Variants in PARD3B observed in about 807,000 individuals in gnomAD.
The protein encoded by PARD3B is par-3 family cell polarity regulator beta, also known as partitioning defective 3 homolog B.
In PARD3B, 103 loss-of-function variants were observed where a neutral mutation model predicts 130.2. The observed-to-expected ratio is 0.79, with a 90% CI of 0.67 to 0.93. PARD3B has a LOEUF of 0.93. PARD3B is among the 40% of genes least tolerant of loss of function. The probability of loss-of-function intolerance (pLI) is 0.00; values close to 1 mark genes in which losing one functional copy is unlikely to be tolerated. For missense variants in PARD3B, 1,609 were observed against 1,499.2 expected, an observed-to-expected ratio of 1.07 and a Z score of -1.21; for synonymous variants, 583 against 553.2, an observed-to-expected ratio of 1.05 and a Z score of -0.76.
In PARD3B at chr2:205,225,740, A is replaced by T. The variant is rs2038509703; in HGVS notation, c.2141-20038A>T. On this transcript the variant is annotated intron_variant, in intron 15 of 22. Transcript: ENST00000406610. ...AAGAGAGAAAAGGGGAAAGTGCCGC[A>T]CACTTTTAAACAATCAGATCTCATG... is the stretch of plus-strand genomic sequence containing the variant. Among the ~76,000 whole-genome samples, 5 of 152,170 alleles carry T rather than the reference A, an allele frequency of 3.3e-5. 1 individual carries two copies. Among genetic ancestry groups the T allele is most frequent in the Admixed American group, 3.3e-4 (5 of 15,278 alleles).
intron 1 of PARD3B, among the ~76,000 whole-genome samples, chr2:204,572,975 G>A (rs971295613): frequency 3.0e-4 from 45 of 152,196 alleles, no homozygotes; most frequent in African/African-American, 1.0e-3. Context: ...TGGAAGAGAT[G>A]AAACTTGACT....
At chr2:205,031,940 C>A (rs1258619816) in intron 3 of PARD3B, among the ~76,000 whole-genome samples, 1 of 152,136 alleles carries the variant, frequency 6.6e-6, no homozygotes, top group Non-Finnish European at 1.5e-5. Flanking sequence ...CATTCCTGTG[C>A]CTCTCAAAAA....
Position 205,183,773 on chromosome 2 carries a change from T to TGA in PARD3B, c.1925-1990_1925-1989dup, listed in dbSNP as rs974665806. Among the ~76,000 whole-genome samples, 2 of 147,126 alleles carry TGA rather than the reference T, an allele frequency of 1.4e-5. No individual in the cohort carries two copies. The highest frequency in any genetic ancestry group is 2.5e-5 in the African/African-American group (1 of 39,484). ...GTGTGTGTGTGTGTGTGTGTGTGTGTGAACAGATTTATGATAAGGAATTGG... is the reference window on the plus strand; with the variant it reads ...GTGTGTGTGTGTGTGTGTGTGTGTGTGAGAACAGATTTATGATAAGGAATTGG... On this transcript the variant is annotated intron_variant, in intron 13 of 22. Coordinates refer to ENST00000406610, the MANE Select transcript of PARD3B (RefSeq NM_001302769.2). The surrounding 1 kb of genome is among the most constrained non-coding windows in gnomAD (Gnocchi z 5.2).
At chr2:205,024,162 C>G (rs200166277) in intron 3 of PARD3B, among the ~76,000 whole-genome samples, 1 of 98,744 alleles carries the variant, frequency 1.0e-5, no homozygotes, top group Non-Finnish European at 2.0e-5. Context: ...TTCTTTCTTT[C>G]TTTTTTTTTT....
At chr2:205,485,348 G>C (rs1245566088) in intron 20 of PARD3B, among the ~76,000 whole-genome samples, 2 of 152,172 alleles carry the variant, frequency 1.3e-5, no homozygotes, top group Non-Finnish European at 2.9e-5. Context: ...CAAACTGAAA[G>C]AAAGTTTCAA....
In PARD3B at chr2:204,747,161, G is replaced by A. The variant is rs544043145; in HGVS notation, c.222+60879G>A. On this transcript the variant is annotated intron_variant, in intron 2 of 22. Transcript: ENST00000406610. ...TCTTTAATTGATTTTTGTATAAAGT[G>A]TAAGGAAGGGATCCAGTTTCAGCTT... 2.6e-5 allele frequency among the ~76,000 whole-genome samples: 4 copies of A among 152,224 alleles called. No individual in the cohort carries two copies. The East Asian group carries it at 7.7e-4, about 29-fold the overall frequency.
chr2:204,935,239 C>CA lies in PARD3B; in HGVS notation c.223-29907dup, dbSNP rs1371147432. ...GTCTTCTGAGAATGTGTTAAGAATG[C>CA]AAAAAATAGGCTGTGCGCAGTGGCT... On this transcript the variant is annotated intron_variant, in intron 2 of 22. Coordinates refer to ENST00000406610, the MANE Select transcript of PARD3B (RefSeq NM_001302769.2). Among the ~76,000 whole-genome samples, 7 of 149,226 alleles carry CA rather than the reference C, an allele frequency of 4.7e-5. No homozygotes were observed. In the East Asian group the frequency reaches 1.2e-3, roughly 25 times the overall value.
intron 2 of PARD3B, among the ~76,000 whole-genome samples, chr2:204,698,295 C>T (rs1045646456): frequency 3.9e-5 from 6 of 152,000 alleles, no homozygotes; most frequent in African/African-American, 9.7e-5. Context: ...CAGTTCTATA[C>T]GTCATTAATT....
intron 18 of PARD3B, among the ~76,000 whole-genome samples, chr2:205,385,824 G>C (rs80306546): frequency 3.9e-4 from 59 of 152,058 alleles, no homozygotes; most frequent in African/African-American, 1.4e-3. Flanking sequence ...TAAATATATA[G>C]GTATTTCAGT....
chr2:205,299,864 AGTT>A (rs2041933288), intron 16 of PARD3B, among the ~76,000 whole-genome samples: 1 of 152,244 alleles, frequency 6.6e-6, no homozygotes. Flanking sequence ...GACACAGAAA[AGTT>A]GTTTTCTTTC....
Position 205,280,091 on chromosome 2 carries a change from T to A in PARD3B, c.2186-20439T>A, listed in dbSNP as rs2041129385. Among the ~76,000 whole-genome samples the A allele has an allele frequency of 6.6e-6, 1 of 152,178 alleles. No individual in the cohort carries two copies. Among genetic ancestry groups the A allele is most frequent in the African/African-American group, 2.4e-5 (1 of 41,438 alleles). The stretch of plus-strand genomic sequence containing the variant: ...TAAAAGAGTCTCTTTGTGTTAGGAT[T>A]TCTTCTGTCTAAAGGTAGGAATAGC... On this transcript the variant is annotated intron_variant, in intron 16 of 22. Coordinates refer to ENST00000406610, the MANE Select transcript of PARD3B (RefSeq NM_001302769.2). The surrounding 1 kb of genome is among the most constrained non-coding windows in gnomAD (Gnocchi z 4.7).
intron 16 of PARD3B, among the ~76,000 whole-genome samples, chr2:205,285,992 A>G (rs2041381842): frequency 6.6e-6 from 1 of 152,180 alleles, no homozygotes; most frequent in Non-Finnish European, 1.5e-5. Flanking sequence ...TTTTTTGTAC[A>G]TACATAATTT....
chr2:204,945,822 C>T (rs1413989299), intron 2 of PARD3B, among the ~76,000 whole-genome samples: 1 of 152,120 alleles, frequency 6.6e-6, no homozygotes, highest in Non-Finnish European at 1.5e-5. Context: ...TCAGTTTAGC[C>T]TTAATTCCTG....
chr2:204,928,170 A>G lies in PARD3B; in HGVS notation c.223-36982A>G, dbSNP rs115087065. On this transcript the variant is annotated intron_variant, in intron 2 of 22. Coordinates refer to ENST00000406610, the MANE Select transcript of PARD3B (RefSeq NM_001302769.2). ...AATTGATAGGCTATTGCCTGGTTTC[A>G]TATGACCTTGGCTGGGACAATTGGA... Among the ~76,000 whole-genome samples, 359 of 152,172 alleles carry G rather than the reference A, an allele frequency of 2.4e-3. 2 individuals are homozygous for G. Among genetic ancestry groups the G allele is most frequent in the African/African-American group, 8.1e-3 (337 of 41,516 alleles).
At chr2:204,970,179 A>C (rs1284757677) in intron 3 of PARD3B, among the ~76,000 whole-genome samples, 1 of 152,092 alleles carries the variant, frequency 6.6e-6, no homozygotes, top group Non-Finnish European at 1.5e-5. Context: ...CTGACCACCT[A>C]CTGTTCCATA....
chr2:205,418,409 T>G (rs781144622), intron 19 of PARD3B, among the ~76,000 whole-genome samples: 9 of 151,200 alleles, frequency 6.0e-5, no homozygotes, highest in Non-Finnish European at 1.2e-4. Context: ...GTCCCTGCCC[T>G]CAACAAGTTC....
At chr2:204,886,382 C>A (rs1442105652) in intron 2 of PARD3B, among the ~76,000 whole-genome samples, 1 of 152,158 alleles carries the variant, frequency 6.6e-6, no homozygotes, top group Non-Finnish European at 1.5e-5. Context: ...AAAGCTGTCA[C>A]CATTGCCCTA....
At chr2:205,507,688 G>A (rs1342657033) in intron 21 of PARD3B, among the ~76,000 whole-genome samples, 2 of 152,136 alleles carry the variant, frequency 1.3e-5, no homozygotes, top group Non-Finnish European at 2.9e-5. Flanking sequence ...ATTACAAACT[G>A]TCTACGACAA....
At chr2:205,424,837 A>G (rs1313218179) in intron 19 of PARD3B, among the ~76,000 whole-genome samples, 1 of 152,168 alleles carries the variant, frequency 6.6e-6, no homozygotes, top group Non-Finnish European at 1.5e-5. Flanking sequence ...AGGGTTAAAC[A>G]ATGCTGTGCT....
Sources: gnomAD v4.1 joint callset for allele counts (sites outside exome capture counted in the v4.1 genomes callset) on GRCh38, gnomAD v4.1.1 for gene constraint, Gnocchi (gnomAD v3.1) non-coding constraint, MANE v1.5 for transcripts, NCBI Gene and HGNC (gene_info 2026-07-23, HGNC 2026-07-21) for gene names.